AGMO: variants seen among roughly 807,000 people sequenced by gnomAD.
AGMO encodes alkylglycerol monooxygenase.
In AGMO, 75 loss-of-function variants were observed where a neutral mutation model predicts 60.2. The ratio of observed to expected loss-of-function variants is 1.25; its 90% CI spans 1.03 to 1.51. The LOEUF (loss-of-function observed/expected upper bound fraction) is 1.51, where lower values mean the gene tolerates loss of function less well. AGMO is among the 40% of genes most tolerant of loss of function. The pLI is 0.00. For missense variants in AGMO, 763 were observed against 525.5 expected (o/e 1.45, Z -4.42); for synonymous variants, 261 against 177.1 (o/e 1.47, Z -3.76).
intron 10 of AGMO, among the ~76,000 whole-genome samples, chr7:15,370,402 G>A (rs566331097): frequency 8.5e-5 from 13 of 152,110 alleles, no homozygotes; most frequent in African/African-American, 3.1e-4. Context: ...TTTTCTTTTG[G>A]ATATATACCC....
chr7:15,142,369 A>G, the AGMO span, among the ~76,000 whole-genome samples: 21 of 152,272 alleles, frequency 1.4e-4, no homozygotes, highest in East Asian at 3.1e-3. Context: ...GAACCATAAC[A>G]GTCATAGCTA....
chr7:15,531,119 ATATATATTCTG>A (rs1784320820), intron 3 of AGMO, among the ~76,000 whole-genome samples: 4 of 78,708 alleles, frequency 5.1e-5, no homozygotes, highest in Admixed American at 2.2e-4. Flanking sequence ...TATATATTCT[ATATATATTCTG>A]TATATATTCT....
chr7:15,560,113 G>A (rs764115636), intron 2 of AGMO, 28 bp downstream of exon 2: 27 of 1,559,542 alleles, frequency 1.7e-5, no homozygotes, highest in Admixed American at 3.6e-5. Flanking sequence ...CAGTTTTTAT[G>A]CTCAGCGTTG....
chr7:15,548,004 G>A (rs28796902), intron 2 of AGMO, among the ~76,000 whole-genome samples: 1 of 147,754 alleles, frequency 6.8e-6, no homozygotes, highest in Admixed American at 6.7e-5. Context: ...GTGGGTCCCT[G>A]ACCCCTGACA....
chr7:15,383,934 A>AT (rs994589302), intron 10 of AGMO, among the ~76,000 whole-genome samples: 25 of 146,322 alleles, frequency 1.7e-4, no homozygotes, highest in African/African-American at 2.3e-4. Flanking sequence ...TAGTCCATCT[A>AT]TTTTTTTTTT....
chr7:15,541,385 G>C (rs534542534), intron 3 of AGMO, among the ~76,000 whole-genome samples: 1 of 152,292 alleles, frequency 6.6e-6, no homozygotes, highest in South Asian at 2.1e-4. Flanking sequence ...CTCCCAAAGT[G>C]CTGGGATTAC....
At chr7:15,359,715 T>A (rs1238658243) in intron 12 of AGMO, among the ~76,000 whole-genome samples, 1 of 152,234 alleles carries the variant, frequency 6.6e-6, no homozygotes, top group African/African-American at 2.4e-5. Context: ...TAAGCTGGGT[T>A]GAGTAATCCA....
intron 3 of AGMO, among the ~76,000 whole-genome samples, chr7:15,481,249 C>T (rs1004411467): frequency 2.0e-5 from 3 of 152,152 alleles, no homozygotes; most frequent in African/African-American, 4.8e-5. Context: ...ATCCTATCTG[C>T]ATGTCCTAAT....
intron 12 of AGMO, among the ~76,000 whole-genome samples, chr7:15,315,847 C>T (rs1780907433): frequency 6.6e-6 from 1 of 152,028 alleles, no homozygotes; most frequent in Non-Finnish European, 1.5e-5. Flanking sequence ...ATTTATTGCA[C>T]CATTTTCTAT....
the AGMO span, among the ~76,000 whole-genome samples, chr7:15,132,164 C>T: frequency 6.6e-6 from 1 of 152,062 alleles, no homozygotes; most frequent in Non-Finnish European, 1.5e-5. Context: ...ATGAAAATTA[C>T]AAGAAGACAA....
chr7:15,414,332 C>T (rs946960049), intron 5 of AGMO, among the ~76,000 whole-genome samples: 4 of 152,078 alleles, frequency 2.6e-5, no homozygotes, highest in Non-Finnish European at 5.9e-5. Flanking sequence ...AAGATTAGCA[C>T]ATGTGAGAAT....
intron 10 of AGMO, among the ~76,000 whole-genome samples, chr7:15,376,363 C>G (rs1783450462): frequency 1.4e-5 from 2 of 145,458 alleles, no homozygotes; most frequent in Middle Eastern, 3.5e-3. Context: ...TAAGAGTCGA[C>G]CAAAATATAT....
chr7:15,402,406 G>T lies in AGMO; in HGVS notation c.610-8227C>A, dbSNP rs529429016. Among the ~76,000 whole-genome samples, 3 of 150,936 alleles carry T rather than the reference G, an allele frequency of 2.0e-5. No homozygotes were observed. In the South Asian group the frequency reaches 6.3e-4, roughly 31 times the overall value. On this transcript the variant is annotated intron_variant, in intron 5 of 12. Transcript: ENST00000342526. ...TCTATCTAAACGTGTGTGTGCATAT[G>T]TACAAAAATTTATTTGGAAAGATCT...
At chr7:15,322,354 T>G (rs188872589) in intron 12 of AGMO, among the ~76,000 whole-genome samples, 23 of 142,906 alleles carry the variant, frequency 1.6e-4, no homozygotes, top group East Asian at 1.2e-3. Flanking sequence ...GGGAAAACAA[T>G]TGGGATCCAA....
At chr7:15,191,719 G>GT in the AGMO span, among the ~76,000 whole-genome samples, 1 of 152,194 alleles carries the variant, frequency 6.6e-6, no homozygotes. Context: ...ACTATTAAAA[G>GT]TTTTTTTAAG....
the AGMO span, among the ~76,000 whole-genome samples, chr7:15,180,859 C>T: frequency 6.6e-6 from 1 of 152,130 alleles, no homozygotes; most frequent in Non-Finnish European, 1.5e-5. Flanking sequence ...GTTCTGGAGG[C>T]TACGAAGCCC....
downstream of AGMO, among the ~76,000 whole-genome samples, chr7:15,197,058 T>G (rs184099074): frequency 6.0e-5 from 9 of 151,074 alleles, no homozygotes; most frequent in Admixed American, 5.9e-4. Context: ...TTGTTGTTGT[T>G]TTTTTTTTCC....
intron 12 of AGMO, among the ~76,000 whole-genome samples, chr7:15,343,297 C>T (rs930793515): frequency 6.6e-6 from 1 of 152,048 alleles, no homozygotes; most frequent in Non-Finnish European, 1.5e-5. Flanking sequence ...TCTCTATTCA[C>T]CCTTATTTTA....
chr7:15,298,636 C>A (rs555702804), intron 12 of AGMO, among the ~76,000 whole-genome samples: 55 of 152,122 alleles, frequency 3.6e-4, no homozygotes, highest in African/African-American at 1.1e-3. Context: ...CCCTGGGCTT[C>A]AACAATTCAC....
Sources: gnomAD v4.1 joint callset for allele counts (sites outside exome capture counted in the v4.1 genomes callset) on GRCh38, gnomAD v4.1.1 for gene constraint, MANE v1.5 for transcripts, NCBI Gene and HGNC (gene_info 2026-07-23, HGNC 2026-07-21) for gene names.